The following EYS variants were observed in gnomAD, a reference collection of about 807,000 sequenced individuals.
EYS encodes the protein protein eyes shut homolog.
In EYS, 250 loss-of-function variants were observed where a neutral mutation model predicts 282.1. The observed-to-expected ratio is 0.89, with a 90% CI of 0.80 to 0.98. EYS has a LOEUF of 0.98. Ranked by LOEUF, EYS falls within the 50% of genes least tolerant of loss-of-function variation. EYS has a pLI of 0.00. For missense variants in EYS, 4,016 were observed against 3,709.0 expected (o/e 1.08, Z -2.15); for synonymous variants, 1,355 against 1,282.9 (o/e 1.06, Z -1.20).
intron 30 of EYS, among the ~76,000 whole-genome samples, chr6:64,305,798 G>A (rs1189160077): frequency 6.6e-6 from 1 of 152,064 alleles, no homozygotes; most frequent in African/African-American, 2.4e-5. Flanking sequence ...AGGGAAAAAG[G>A]CTCACAACAT....
chr6:64,877,883 T>C (rs1229712919), intron 19 of EYS, among the ~76,000 whole-genome samples: 3 of 152,148 alleles, frequency 2.0e-5, no homozygotes, highest in Non-Finnish European at 4.4e-5. Context: ...GCAAGTGATA[T>C]AGTATGGAGA....
intron 2 of EYS, among the ~76,000 whole-genome samples, chr6:65,575,988 T>G (rs1764651500): frequency 6.6e-6 from 1 of 152,092 alleles, no homozygotes; most frequent in Admixed American, 6.6e-5. Flanking sequence ...CTTGATGGTT[T>G]CAGTGCTGAA....
intron 26 of EYS, among the ~76,000 whole-genome samples, chr6:64,489,545 TTAATA>T: frequency 6.8e-6 from 1 of 147,318 alleles, no homozygotes; most frequent in East Asian, 2.0e-4. Flanking sequence ...AATATTTTAA[TTAATA>T]TAAAAATTTT....
At chr6:63,766,705 A>G (rs1769797748) in intron 40 of EYS, among the ~76,000 whole-genome samples, 2 of 152,054 alleles carry the variant, frequency 1.3e-5, no homozygotes, top group Admixed American at 6.6e-5. Context: ...CTCATTTTTC[A>G]GAGAAGGAAT....
At chr6:63,878,569 G>A (rs865875111) in intron 35 of EYS, among the ~76,000 whole-genome samples, 46 of 152,164 alleles carry the variant, frequency 3.0e-4, no homozygotes, top group South Asian at 8.3e-4. Flanking sequence ...TGCCCTGCCC[G>A]CAGAGGCAGA....
chr6:65,262,166 T>TATAA (rs912712919), intron 12 of EYS, among the ~76,000 whole-genome samples: 1 of 152,084 alleles, frequency 6.6e-6, no homozygotes, highest in Non-Finnish European at 1.5e-5. Flanking sequence ...GAGAACTCAT[T>TATAA]ATATCTTTCC....
intron 33 of EYS, among the ~76,000 whole-genome samples, chr6:64,047,798 G>T (rs1770678327): frequency 6.6e-6 from 1 of 152,178 alleles, no homozygotes; most frequent in Non-Finnish European, 1.5e-5. Flanking sequence ...ACTGAATATC[G>T]CATTGGTGGG....
intron 12 of EYS, among the ~76,000 whole-genome samples, chr6:65,269,034 G>A (rs1300255073): frequency 2.0e-5 from 3 of 151,766 alleles, no homozygotes; most frequent in African/African-American, 7.3e-5. Flanking sequence ...TCCAATCTAA[G>A]CCTAATAATA....
intron 28 of EYS, among the ~76,000 whole-genome samples, chr6:64,415,500 A>T (rs1774031758): frequency 6.6e-6 from 1 of 152,046 alleles, no homozygotes; most frequent in African/African-American, 2.4e-5. Context: ...ATAGAGAATT[A>T]CTCTTGGTGA....
Position 64,626,120 on chromosome 6 carries a change from C to A in EYS, c.3568+1G>T. ...ATGCTTATTATTTTTAAAATAATTACCTGGTTGGCATTTGCAAACATATCC... is the reference window on the plus strand; with the variant it reads ...ATGCTTATTATTTTTAAAATAATTAACTGGTTGGCATTTGCAAACATATCC... On this transcript the variant is annotated splice_donor_variant, in intron 23 of 42. Transcript: ENST00000503581. LOFTEE classifies it high-confidence loss of function. 6.6e-7 allele frequency: 1 copy of A among 1,520,908 alleles called. No individual in the cohort carries two copies. Among genetic ancestry groups the A allele is most frequent in the African/African-American group, 1.4e-5 (1 of 72,288 alleles). 94.2% of individuals were successfully genotyped at this position (1,520,908 alleles called of 1,614,324 possible). A position where few individuals can be genotyped will look rare whatever the true frequency, so the allele number is the denominator to read the frequency against.
chr6:65,623,186 A>T (rs1333110913), intron 2 of EYS, among the ~76,000 whole-genome samples: 1 of 152,186 alleles, frequency 6.6e-6, no homozygotes, highest in Non-Finnish European at 1.5e-5. Context: ...TTGATGGACA[A>T]TGTCCTGCTG....
At chr6:64,177,662 G>C (rs1764676192) in intron 31 of EYS, among the ~76,000 whole-genome samples, 1 of 152,060 alleles carries the variant, frequency 6.6e-6, no homozygotes, top group Admixed American at 6.6e-5. Flanking sequence ...TGCTATGAGA[G>C]GTGCTGTAAG....
rs543800879 is a variant in EYS at position 64,367,918 on chromosome 6, C to A, written c.6078+20772G>T. ...ATTCTGGAATATTTGAGCCTAGACA[C>A]AAGGAGCCTGACATCTTCTACTTTT... On this transcript the variant is annotated intron_variant, in intron 29 of 42. Transcript: ENST00000503581. 2.6e-5 allele frequency among the ~76,000 whole-genome samples: 4 copies of A among 152,206 alleles called. No homozygotes were observed. The South Asian group carries it at 8.3e-4, about 32-fold the overall frequency.
chr6:64,622,553 A>G (rs1767478567), intron 23 of EYS, among the ~76,000 whole-genome samples: 2 of 152,154 alleles, frequency 1.3e-5, no homozygotes, highest in South Asian at 4.1e-4. Flanking sequence ...CTCTGTTTGT[A>G]CTAAAATGAA....
chr6:64,718,213 GC>G (rs1771459880), intron 22 of EYS, among the ~76,000 whole-genome samples: 1 of 152,140 alleles, frequency 6.6e-6, no homozygotes, highest in South Asian at 2.1e-4. Context: ...GCTGAACTGA[GC>G]TAGGTAGGAA....
chr6:65,211,984 A>G (rs1231039529), intron 12 of EYS, among the ~76,000 whole-genome samples: 1 of 152,070 alleles, frequency 6.6e-6, no homozygotes, highest in Non-Finnish European at 1.5e-5. Context: ...AAATAAGTAC[A>G]AAATTGAACA....
At chr6:65,114,680 T>C (rs1775316184) in intron 12 of EYS, among the ~76,000 whole-genome samples, 1 of 151,962 alleles carries the variant, frequency 6.6e-6, no homozygotes, top group African/African-American at 2.4e-5. Context: ...ATTTCTCTGC[T>C]TTGAAGTTAT....
intron 2 of EYS, among the ~76,000 whole-genome samples, chr6:65,584,478 A>G (rs1408956865): frequency 6.6e-6 from 1 of 152,068 alleles, no homozygotes; most frequent in Non-Finnish European, 1.5e-5. Flanking sequence ...TAATTGGGGA[A>G]CATGAGGTAG....
Position 65,230,881 on chromosome 6 carries a change from A to G in EYS, c.2023+64982T>C, listed in dbSNP as rs1766754539. Among the ~76,000 whole-genome samples, 10 of 151,304 alleles carry G rather than the reference A, an allele frequency of 6.6e-5. No individual in the cohort carries two copies. In the Admixed American group the frequency reaches 6.6e-4, roughly 10 times the overall value. Reference sequence around the variant, plus strand: ...TGTTACATGGCATGCTCTTAATTGTACAGGTGAAGTGATGTTTTACTTTTA... The same window carrying G: ...TGTTACATGGCATGCTCTTAATTGTGCAGGTGAAGTGATGTTTTACTTTTA... On this transcript the variant is annotated intron_variant, in intron 12 of 42. Transcript: ENST00000503581.
Sources: allele counts gnomAD v4.1 joint callset (sites outside exome capture counted in the v4.1 genomes callset), GRCh38; gene constraint gnomAD v4.1.1; transcripts MANE v1.5; gene names NCBI Gene and HGNC (gene_info 2026-07-23, HGNC 2026-07-21).